The following SEC23IP variants were observed in gnomAD, a reference collection of about 807,000 sequenced individuals.
The protein encoded by SEC23IP is SEC23 interacting protein.
SEC23IP carries 70 observed loss-of-function variants against 113.4 expected under a neutral mutation model. The ratio of observed to expected loss-of-function variants is 0.62; its 90% CI spans 0.51 to 0.75. The LOEUF is 0.75. Among genes scored for constraint, SEC23IP ranks in the 30% least tolerant of loss-of-function variants. SEC23IP has a pLI of 0.00. For synonymous variants in SEC23IP, 398 were observed against 421.0 expected, an observed-to-expected ratio of 0.95 and a Z score of 0.67; for missense variants, 1,160 against 1,204.9, an observed-to-expected ratio of 0.96 and a Z score of 0.55.
At chr10:119,922,400 T>C (rs978839607) in intron 12 of SEC23IP, among the ~76,000 whole-genome samples, 1 of 152,180 alleles carries the variant, frequency 6.6e-6, no homozygotes, top group Non-Finnish European at 1.5e-5. Flanking sequence ...AACATGTTCT[T>C]ATGGCCATGA....
chr10:119,894,889 A>T (rs532061791), intron 1 of SEC23IP, among the ~76,000 whole-genome samples: 123 of 126,134 alleles, frequency 9.8e-4, no homozygotes, highest in East Asian at 4.5e-4. Flanking sequence ...TCTTGGAGAC[A>T]GTCTGTGTGT....
At chr10:119,913,110 C>A (rs1421594389) in intron 6 of SEC23IP, among the ~76,000 whole-genome samples, 1 of 152,222 alleles carries the variant, frequency 6.6e-6, no homozygotes, top group Non-Finnish European at 1.5e-5. Context: ...TGGTAGCCAT[C>A]ATTCTGCCCT....
At chr10:119,931,429 G>T (rs1855595731) in intron 15 of SEC23IP, among the ~76,000 whole-genome samples, 1 of 150,764 alleles carries the variant, frequency 6.6e-6, no homozygotes, top group African/African-American at 2.4e-5. Flanking sequence ...TGAACTCCAG[G>T]CCTCAAATGA....
chr10:119,910,184 C>T (rs1854812006), intron 5 of SEC23IP, among the ~76,000 whole-genome samples: 1 of 152,220 alleles, frequency 6.6e-6, no homozygotes, highest in Non-Finnish European at 1.5e-5. Context: ...CCAGATTTTT[C>T]TGTGGGCTGT....
chr10:119,918,440 T>A lies in SEC23IP; in HGVS notation c.1801T>A (p.Leu601Ile), dbSNP rs1855127080. ...CCTGTCTAATCAAAAAGATTTGAAT[T>A]TATCAAAGTGCCCTGGACCTCTTGC... The part of the protein sequence containing the change: ...DILSNQKDLN[L>I]SKCPGPLAVA... Residue 601 changes from leucine (L) to isoleucine (I), a missense_variant, in exon 10 of 19, where the codon TTA becomes ATA. By Grantham distance (5) the Leu-to-Ile change is conservative. Coordinates refer to ENST00000369075, the MANE Select transcript of SEC23IP (RefSeq NM_007190.4). The A allele has an allele frequency of 6.2e-7, 1 of 1,613,652 alleles. No homozygotes were observed. The highest frequency in any genetic ancestry group is 2.2e-5 in the East Asian group (1 of 44,874).
intron 8 of SEC23IP, 83 bp from the exon 9 acceptor site, chr10:119,917,753 G>T: frequency 4.3e-6 from 4 of 935,872 alleles, no homozygotes; most frequent in Non-Finnish European, 6.5e-6. Context: ...GTATTTTCAG[G>T]AGTCAAAAAT....
intron 12 of SEC23IP, among the ~76,000 whole-genome samples, chr10:119,921,189 C>T (rs1855240184): frequency 2.0e-5 from 3 of 152,162 alleles, no homozygotes; most frequent in Admixed American, 2.0e-4. Context: ...TCCTGGTTTT[C>T]CTGGGACTAA....
intron 1 of SEC23IP, among the ~76,000 whole-genome samples, chr10:119,896,880 A>G (rs1161699462): frequency 2.6e-5 from 4 of 152,144 alleles, no homozygotes; most frequent in African/African-American, 9.7e-5. Context: ...AGCTGGAAAT[A>G]TATCAGAGAA....
intron 2 of SEC23IP, among the ~76,000 whole-genome samples, chr10:119,902,030 T>C (rs1854512601): frequency 6.6e-6 from 1 of 152,068 alleles, no homozygotes; most frequent in African/African-American, 2.4e-5. Context: ...TTTTTAGAAA[T>C]GGAATGAGTA....
At chr10:119,929,867 T>C (rs957948795) in intron 14 of SEC23IP, 105 bp downstream of exon 14, 1 of 709,360 alleles carries the variant, frequency 1.4e-6, no homozygotes, top group Non-Finnish European at 2.3e-6. Context: ...CACACTGGTC[T>C]CAAACTCCTG....
intron 12 of SEC23IP, 60 bp downstream of exon 12, chr10:119,921,044 A>C: frequency 8.1e-7 from 1 of 1,234,188 alleles, no homozygotes; most frequent in South Asian, 1.2e-5. Context: ...GCTCGTTTAT[A>C]TTATAGAAAA....
At chr10:119,904,480 A>T (rs1854600075) in intron 4 of SEC23IP, 1 of 554,260 alleles carries the variant, frequency 1.8e-6, no homozygotes, top group African/African-American at 1.9e-5. Context: ...ATAGAATATG[A>T]TTTGCAGAGA....
intron 13 of SEC23IP, among the ~76,000 whole-genome samples, chr10:119,928,715 A>G (rs7895684): frequency 0.54 from 82,145 of 152,118 alleles, 22,584 homozygotes; most frequent in East Asian, 0.63. Flanking sequence ...CTGAGAAACA[A>G]ATGAAAGAGC....
rs373662538 is a variant in SEC23IP at position 119,902,954 on chromosome 10, G to A, written c.852G>A (p.Leu284=). 1.6e-4 allele frequency: 263 copies of A among 1,614,088 alleles called. No homozygotes were observed. The highest frequency in any genetic ancestry group is 2.1e-4 in the Non-Finnish European group (250 of 1,180,040). ...GCAAGGAGGTAGAATACAAACAACT[G>A]TGGATGCCTTTTAGTGTGTTCGACT... ...FYCKEVEYKQ[L]WMPFSVFDSL... is the part of the protein sequence containing the mutation. Residue 284 remains leucine (L), a synonymous_variant, in exon 3 of 19, where the codon CTG becomes CTA. Coordinates refer to ENST00000369075, the MANE Select transcript of SEC23IP (RefSeq NM_007190.4).
chr10:119,937,506 A>T (rs1855833305), intron 18 of SEC23IP, among the ~76,000 whole-genome samples: 1 of 151,796 alleles, frequency 6.6e-6, no homozygotes. Flanking sequence ...GGCACCTATA[A>T]TCCCAGCTAC....
chr10:119,912,217 C>A, intron 6 of SEC23IP, 53 bp downstream of exon 6: 1 of 1,564,200 alleles, frequency 6.4e-7, no homozygotes, highest in Non-Finnish European at 8.7e-7. Flanking sequence ...TCCATTTTAG[C>A]ATCATTCTTT....
At chr10:119,931,663 C>A (rs895026872) in intron 15 of SEC23IP, among the ~76,000 whole-genome samples, 1 of 151,834 alleles carries the variant, frequency 6.6e-6, no homozygotes, top group African/African-American at 2.4e-5. Flanking sequence ...TGCCATTCTC[C>A]TGCCTCAGCC....
chr10:119,915,734 T>C lies in SEC23IP; in HGVS notation c.1403-14T>C, dbSNP rs745803991. 6 of 1,507,472 alleles carry C rather than the reference T, an allele frequency of 4.0e-6. No homozygotes were observed. Among genetic ancestry groups the C allele is most frequent in the Admixed American group, 2.2e-5 (1 of 45,714 alleles). 93.4% of individuals were successfully genotyped at this position (1,507,472 alleles called of 1,614,324 possible). On this transcript the variant is annotated splice_polypyrimidine_tract_variant and intron_variant, in intron 7 of 18. Coordinates refer to ENST00000369075, the MANE Select transcript of SEC23IP (RefSeq NM_007190.4). ...AATTTAATTTATTTTCTCTTTTTTT[T>C]TTTTCTTTTGAAGTGGATGATTTTA...
chr10:119,901,933 C>A (rs578138422), intron 2 of SEC23IP, among the ~76,000 whole-genome samples: 3 of 152,246 alleles, frequency 2.0e-5, no homozygotes, highest in South Asian at 2.1e-4. Context: ...GTGATCCACC[C>A]ACCTCAGCCT....
Sources: allele counts gnomAD v4.1 joint callset (sites outside exome capture counted in the v4.1 genomes callset), GRCh38; gene constraint gnomAD v4.1.1; transcripts MANE v1.5; gene names NCBI Gene and HGNC (gene_info 2026-07-23, HGNC 2026-07-21).